The following PTPRG variants were observed in gnomAD, a reference collection of about 807,000 sequenced individuals.
The protein encoded by PTPRG is protein tyrosine phosphatase receptor type G, also known as receptor-type tyrosine-protein phosphatase gamma.
In PTPRG, 102 loss-of-function variants were observed where a neutral mutation model predicts 165.3. The ratio of observed to expected loss-of-function variants is 0.62; its 90% CI spans 0.53 to 0.73. PTPRG has a LOEUF of 0.73. PTPRG is among the 30% of genes least tolerant of loss of function. The pLI is 0.00. For missense variants in PTPRG, 1,866 were observed against 1,861.4 expected, an observed-to-expected ratio of 1.00 and a Z score of -0.05; for synonymous variants, 675 against 669.5, an observed-to-expected ratio of 1.01 and a Z score of -0.13.
At chr3:62,115,112 A>G (rs559529925) in intron 5 of PTPRG, among the ~76,000 whole-genome samples, 53 of 152,340 alleles carry the variant, frequency 3.5e-4, no homozygotes, top group Middle Eastern at 3.4e-3. Context: ...AGAGATTTTC[A>G]GAGCATCGTC....
Position 61,834,147 on chromosome 3 carries a change from G to A in PTPRG, c.190+85165G>A, listed in dbSNP as rs2036392194. Among the ~76,000 whole-genome samples the A allele has an allele frequency of 2.0e-5, 3 of 152,170 alleles. No homozygotes were observed. In the South Asian group the frequency reaches 6.2e-4, roughly 32 times the overall value. On this transcript the variant is annotated intron_variant, in intron 2 of 29. Transcript: ENST00000474889. ...TTGCCTTGGAAGGATGTTTGTTACAGCATCTTTTCTTCTTTCTTTGACATG... is the reference window on the plus strand; with the variant it reads ...TTGCCTTGGAAGGATGTTTGTTACAACATCTTTTCTTCTTTCTTTGACATG...
intron 5 of PTPRG, among the ~76,000 whole-genome samples, chr3:62,080,328 G>A (rs1056356247): frequency 6.6e-6 from 1 of 151,526 alleles, no homozygotes; most frequent in Non-Finnish European, 1.5e-5. Flanking sequence ...CGCCTGCCTC[G>A]GCCTCCCAAA....
chr3:62,091,067 G>GATGATGAT (rs1391357280), intron 5 of PTPRG, among the ~76,000 whole-genome samples: 1 of 152,168 alleles, frequency 6.6e-6, no homozygotes, highest in Non-Finnish European at 1.5e-5. Context: ...TAACAATGTT[G>GATGATGAT]ATGATGATAA....
chr3:61,842,684 C>CAA (rs199500194), intron 2 of PTPRG, among the ~76,000 whole-genome samples: 10,024 of 121,018 alleles, frequency 0.083, 372 homozygotes, highest in Non-Finnish European at 0.12. Flanking sequence ...GTATGTGTGG[C>CAA]AAAAAAAAAA....
At chr3:61,847,834 G>A (rs892512727) in intron 2 of PTPRG, among the ~76,000 whole-genome samples, 2 of 152,240 alleles carry the variant, frequency 1.3e-5, no homozygotes, top group Non-Finnish European at 2.9e-5. Flanking sequence ...GATGCAGACA[G>A]AGGCTTAAGA....
At chr3:62,062,347 G>A (rs1700844416) in intron 4 of PTPRG, among the ~76,000 whole-genome samples, 1 of 152,162 alleles carries the variant, frequency 6.6e-6, no homozygotes, top group Admixed American at 6.5e-5. Context: ...ATGAACTGTT[G>A]TTTGATAAAG....
chr3:62,006,903 T>G (rs78645319), intron 4 of PTPRG, among the ~76,000 whole-genome samples: 6 of 152,116 alleles, frequency 3.9e-5, no homozygotes, highest in Non-Finnish European at 8.8e-5. Flanking sequence ...AAGCAGTGTG[T>G]TTAGTGGAAT....
chr3:61,579,606 C>T (rs1316861789), intron 1 of PTPRG, among the ~76,000 whole-genome samples: 2 of 152,218 alleles, frequency 1.3e-5, no homozygotes, highest in Non-Finnish European at 2.9e-5. Flanking sequence ...ACTTGGAAAG[C>T]GGCGAAAGCC....
intron 2 of PTPRG, among the ~76,000 whole-genome samples, chr3:61,756,280 T>A (rs2033631728): frequency 1.3e-5 from 2 of 152,202 alleles, no homozygotes. Flanking sequence ...TACCTAAATG[T>A]TTTTGGATAG....
chr3:61,729,389 GC>G (rs2032400590), intron 1 of PTPRG, among the ~76,000 whole-genome samples: 1 of 152,124 alleles, frequency 6.6e-6, no homozygotes, highest in Non-Finnish European at 1.5e-5. Context: ...TTTAAAAACC[GC>G]TATATTTTTG....
At chr3:61,564,784 C>A (rs746969509) in intron 1 of PTPRG, among the ~76,000 whole-genome samples, 1 of 152,136 alleles carries the variant, frequency 6.6e-6, no homozygotes, top group Non-Finnish European at 1.5e-5. Flanking sequence ...TCGGCCACCT[C>A]CACGCCTCAG....
At position 62,203,885 on chromosome 3, in the gene PTPRG, C is replaced by G. The variant is rs1481533929; in HGVS notation, c.2090C>G (p.Ser697Cys). ...GSDPKRPEMP[S>C]KKPMSRGDRF... is the part of the protein sequence containing the mutation. ...GATCCCAAGAGGCCCGAAATGCCAT[C>G]TAAAAAGCCTATGTCCCGCGGGGAC... is the stretch of plus-strand genomic sequence containing the variant. Residue 697 changes from serine to cysteine, a missense_variant, in exon 12 of 30, where the codon TCT becomes TGT. Physicochemically the swap from Ser to Cys is moderately radical, Grantham distance 112. This residue lies in a region of PTPRG where 1,452 missense variants were observed against 1,463.0 expected (regional missense o/e 0.99). Transcript: ENST00000474889. This position sits in a 1 kb window ranked among gnomAD's most constrained non-coding sequence, Gnocchi z 6.4. 1.9e-6 allele frequency: 3 copies of G among 1,613,080 alleles called. No homozygotes were observed. The highest frequency in any genetic ancestry group is 2.5e-6 in the Non-Finnish European group (3 of 1,179,508).
chr3:62,173,101 A>C (rs1286575336), intron 8 of PTPRG, among the ~76,000 whole-genome samples: 1 of 152,222 alleles, frequency 6.6e-6, no homozygotes, highest in Non-Finnish European at 1.5e-5. Context: ...TTGTATTTGC[A>C]CATAACCTGA....
chr3:62,176,039 A>T (rs188588168), intron 8 of PTPRG, among the ~76,000 whole-genome samples: 100 of 152,114 alleles, frequency 6.6e-4, no homozygotes, highest in African/African-American at 2.4e-3. Context: ...GAGGGTTTTA[A>T]AGAGGACTCT....
At chr3:61,995,776 T>A (rs1401290041) in intron 3 of PTPRG, among the ~76,000 whole-genome samples, 1 of 146,254 alleles carries the variant, frequency 6.8e-6, no homozygotes, top group African/African-American at 2.6e-5. Flanking sequence ...TCCTTCTTTT[T>A]CTTTTTCTTT....
chr3:62,212,696 C>T (rs867512658), intron 12 of PTPRG, among the ~76,000 whole-genome samples: 2 of 152,138 alleles, frequency 1.3e-5, no homozygotes, highest in African/African-American at 2.4e-5. Flanking sequence ...ACCAGTGAGA[C>T]GCACCCTGTC....
At chr3:62,015,032 A>G (rs2041508015) in intron 4 of PTPRG, among the ~76,000 whole-genome samples, 1 of 152,228 alleles carries the variant, frequency 6.6e-6, no homozygotes, top group African/African-American at 2.4e-5. Flanking sequence ...ATATGCCAGT[A>G]GGGAAACCCC....
intron 8 of PTPRG, among the ~76,000 whole-genome samples, chr3:62,180,610 G>T (rs1263419465): frequency 6.6e-6 from 1 of 152,178 alleles, no homozygotes; most frequent in African/African-American, 2.4e-5. Flanking sequence ...ATGTACCCCA[G>T]GGTACATGGA....
In PTPRG at chr3:61,674,190, A is replaced by T. The variant is rs542126627; in HGVS notation, c.86-74688A>T. On this transcript the variant is annotated intron_variant, in intron 1 of 29. Coordinates refer to ENST00000474889, the MANE Select transcript of PTPRG (RefSeq NM_002841.4). ...GAACAAGTATAATAATAATAAAAAAAAAAAAGAAACATGGCTTTGCATGAG... is the reference window on the plus strand; with the variant it reads ...GAACAAGTATAATAATAATAAAAAATAAAAAGAAACATGGCTTTGCATGAG... Among the ~76,000 whole-genome samples the T allele has an allele frequency of 7.1e-3, 1,078 of 152,230 alleles. 12 individuals are homozygous for T. Among genetic ancestry groups the T allele is most frequent in the African/African-American group, 0.024 (1,005 of 41,520 alleles).
Sources: gnomAD v4.1 joint callset for allele counts (sites outside exome capture counted in the v4.1 genomes callset) on GRCh38, gnomAD v4.1.1 for gene constraint, gnomAD v4.1.1 regional missense constraint, Gnocchi (gnomAD v3.1) non-coding constraint, MANE v1.5 for transcripts, NCBI Gene and HGNC (gene_info 2026-07-23, HGNC 2026-07-21) for gene names.